Variants in NRXN3 observed in about 807,000 individuals in gnomAD.
NRXN3 encodes neurexin III.
NRXN3 carries 32 observed loss-of-function variants against 137.6 expected under a neutral mutation model. The ratio of observed to expected loss-of-function variants is 0.23; its 90% confidence interval spans 0.18 to 0.31. NRXN3 has a LOEUF of 0.31. NRXN3 is among the 10% of genes least tolerant of loss of function. The pLI, the probability that NRXN3 is intolerant of heterozygous loss-of-function variation, is 1.00. For synonymous variants in NRXN3, 798 were observed against 784.5 expected, an observed-to-expected ratio of 1.02 and a Z score of -0.29; for missense variants, 1,574 against 2,062.5, an observed-to-expected ratio of 0.76 and a Z score of 4.59.
intron 15 of NRXN3, among the ~76,000 whole-genome samples, chr14:79,068,204 A>G (rs1400267584): frequency 6.6e-6 from 1 of 152,086 alleles, no homozygotes; most frequent in Non-Finnish European, 1.5e-5. Flanking sequence ...ACAAGGTGCA[A>G]TAATTATGGA....
At chr14:78,516,203 A>G (rs1039590070) in intron 4 of NRXN3, among the ~76,000 whole-genome samples, 3 of 151,892 alleles carry the variant, frequency 2.0e-5, no homozygotes, top group African/African-American at 4.8e-5. Flanking sequence ...GGGGTTAAAC[A>G]TGTCAAGAAT....
At chr14:79,320,668 A>C (rs1201042079) in intron 15 of NRXN3, among the ~76,000 whole-genome samples, 1 of 152,168 alleles carries the variant, frequency 6.6e-6, no homozygotes, top group African/African-American at 2.4e-5. Context: ...GAAAAGAAAA[A>C]GGGTATCTGT....
At chr14:79,836,867 C>A (rs1418977789) in intron 20 of NRXN3, among the ~76,000 whole-genome samples, 2 of 152,084 alleles carry the variant, frequency 1.3e-5, no homozygotes, top group Admixed American at 1.3e-4. Flanking sequence ...GTCCATGGTT[C>A]TATTGCTGCC....
intron 4 of NRXN3, among the ~76,000 whole-genome samples, chr14:78,618,359 C>T (rs2097366862): frequency 6.6e-6 from 1 of 151,820 alleles, no homozygotes; most frequent in African/African-American, 2.4e-5. Flanking sequence ...GAAGCTCTCT[C>T]TTCTCTAGAT....
chr14:79,145,161 C>A (rs532651467), intron 15 of NRXN3, among the ~76,000 whole-genome samples: 1 of 152,228 alleles, frequency 6.6e-6, no homozygotes, highest in South Asian at 2.1e-4. Flanking sequence ...TTAGTACAGT[C>A]ATTGAGATAC....
At chr14:79,740,428 T>C (rs1288372927) in intron 19 of NRXN3, among the ~76,000 whole-genome samples, 1 of 151,942 alleles carries the variant, frequency 6.6e-6, no homozygotes, top group Non-Finnish European at 1.5e-5. Context: ...TGAGTCTGCC[T>C]TCCTGGCTCT....
intron 16 of NRXN3, among the ~76,000 whole-genome samples, chr14:79,561,646 GA>G (rs1194230901): frequency 2.0e-5 from 3 of 152,002 alleles, no homozygotes; most frequent in Non-Finnish European, 4.4e-5. Context: ...ACACTCTTAT[GA>G]ACTGTTTACA....
At chr14:78,783,824 TAGA>T (rs2098778944) in intron 8 of NRXN3, among the ~76,000 whole-genome samples, 1 of 152,020 alleles carries the variant, frequency 6.6e-6, no homozygotes, top group Non-Finnish European at 1.5e-5. Flanking sequence ...ATGTACCAGA[TAGA>T]AGGCCATGGA....
At chr14:79,341,297 TTCTTAATGAGTA>T (rs1369653107) in intron 15 of NRXN3, among the ~76,000 whole-genome samples, 1 of 152,156 alleles carries the variant, frequency 6.6e-6, no homozygotes, top group Non-Finnish European at 1.5e-5. Flanking sequence ...AGTCACCAAG[TTCTTAATGAGTA>T]TCTCCTGTTG....
chr14:78,681,997 A>G (rs993492218), intron 6 of NRXN3, among the ~76,000 whole-genome samples: 2 of 152,052 alleles, frequency 1.3e-5, no homozygotes, highest in African/African-American at 4.8e-5. Context: ...CCTCTCCAGT[A>G]GCAGCGATTA....
intron 15 of NRXN3, among the ~76,000 whole-genome samples, chr14:79,152,094 G>A (rs887642685): frequency 1.3e-4 from 19 of 151,882 alleles, no homozygotes; most frequent in African/African-American, 4.6e-4. Flanking sequence ...TCAACTCTGA[G>A]CCACTTGCTA....
chr14:78,651,084 C>A, intron 5 of NRXN3, 81 bp from the exon 6 acceptor site: 1 of 1,285,200 alleles, frequency 7.8e-7, no homozygotes, highest in Non-Finnish European at 1.1e-6. Flanking sequence ...AGTGATGCCA[C>A]AAGTAGGGGA....
intron 16 of NRXN3, among the ~76,000 whole-genome samples, chr14:79,648,004 C>T (rs2098459738): frequency 7.4e-6 from 1 of 134,706 alleles, no homozygotes. Context: ...GTTAAAAAAA[C>T]AAAAAAGTTT....
intron 4 of NRXN3, among the ~76,000 whole-genome samples, chr14:78,551,782 T>G (rs1482986069): frequency 6.7e-6 from 1 of 149,488 alleles, no homozygotes; most frequent in African/African-American, 2.4e-5. Context: ...CCCACTCTAC[T>G]TCCCCCCATT....
intron 1 of NRXN3, among the ~76,000 whole-genome samples, chr14:78,194,860 T>C (rs1010279923): frequency 2.6e-5 from 4 of 152,342 alleles, no homozygotes; most frequent in South Asian, 2.1e-4. Flanking sequence ...CGGCTGGCGC[T>C]GACCCCCTTG....
At chr14:78,810,394 A>G (rs1251698780) in intron 10 of NRXN3, 50 bp downstream of exon 10, 3 of 1,102,470 alleles carry the variant, frequency 2.7e-6, no homozygotes, top group Admixed American at 3.0e-5. Flanking sequence ...AAAAAACAAA[A>G]CTGACTTTAT....
At chr14:78,607,446 A>G (rs544842049) in intron 4 of NRXN3, among the ~76,000 whole-genome samples, 26 of 151,724 alleles carry the variant, frequency 1.7e-4, no homozygotes, top group Middle Eastern at 3.4e-3. Flanking sequence ...TCCCTGACAC[A>G]GTGATCTCAC....
At chr14:78,520,193 A>G (rs2096266657) in intron 4 of NRXN3, among the ~76,000 whole-genome samples, 1 of 152,152 alleles carries the variant, frequency 6.6e-6, no homozygotes, top group Non-Finnish European at 1.5e-5. Context: ...CTTGCCTTGG[A>G]TACTACCTGT....
intron 6 of NRXN3, among the ~76,000 whole-genome samples, chr14:78,677,396 G>GA (rs2098019419): frequency 6.6e-6 from 1 of 151,976 alleles, no homozygotes; most frequent in African/African-American, 2.4e-5. Flanking sequence ...GACTTCAGTG[G>GA]AGGAAGTAAC....
Sources: allele counts gnomAD v4.1 joint callset (sites outside exome capture counted in the v4.1 genomes callset), GRCh38; gene constraint gnomAD v4.1.1; transcripts MANE v1.5; gene names NCBI Gene and HGNC (gene_info 2026-07-23, HGNC 2026-07-21).